Variants in RBFOX1 observed in about 807,000 individuals in gnomAD.
RBFOX1 encodes the protein RNA binding protein fox-1 homolog 1.
Under a neutral mutation model 57.7 loss-of-function variants are expected in RBFOX1, and 8 were observed. The observed-to-expected ratio is 0.14, with a 90% CI of 0.08 to 0.25. The LOEUF is 0.25. Ranked by LOEUF, RBFOX1 falls within the 10% of genes least tolerant of loss-of-function variation. The pLI is 1.00. For synonymous variants in RBFOX1, 326 were observed against 222.4 expected (o/e 1.47, Z -4.15); for missense variants, 611 against 548.5 (o/e 1.11, Z -1.14).
chr16:6,656,902 A>ATTCTCCTCTCCTCCC (rs1233741745), intron 3 of RBFOX1, among the ~76,000 whole-genome samples: 491 of 44,676 alleles, frequency 0.011, 14 homozygotes, highest in African/African-American at 0.045. Flanking sequence ...CCTCCCCTCA[A>ATTCTCCTCTCCTCCC]CTCTCCTCTC....
At chr16:7,097,168 T>C (rs2061845682) in intron 4 of RBFOX1, among the ~76,000 whole-genome samples, 1 of 152,074 alleles carries the variant, frequency 6.6e-6, no homozygotes, top group African/African-American at 2.4e-5. Flanking sequence ...GAGCAAGACT[T>C]TTCCAAGAAG....
At chr16:5,963,986 A>G (rs1052518110) in intron 4 of RBFOX1, among the ~76,000 whole-genome samples, 8 of 152,214 alleles carry the variant, frequency 5.3e-5, no homozygotes, top group African/African-American at 1.7e-4. Flanking sequence ...GGGAGAAAAT[A>G]TTTGCAAATC....
intron 3 of RBFOX1, among the ~76,000 whole-genome samples, chr16:6,898,745 T>C (rs2067619241): frequency 6.6e-6 from 1 of 152,118 alleles, no homozygotes; most frequent in Admixed American, 6.5e-5. Context: ...TGTGTATGTG[T>C]CCATATATAT....
intron 4 of RBFOX1, among the ~76,000 whole-genome samples, chr16:7,487,086 G>C (rs928291227): frequency 1.3e-5 from 2 of 152,064 alleles, no homozygotes; most frequent in African/African-American, 4.8e-5. Flanking sequence ...TTTTAGTAGA[G>C]ATGAGGTTTC....
At chr16:5,365,826 C>T (rs923922287) in intron 1 of RBFOX1, 20 of 517,374 alleles carry the variant, frequency 3.9e-5, no homozygotes, top group African/African-American at 3.3e-4. Flanking sequence ...GGACATGAGC[C>T]CCCTGAGGCC....
intron 5 of RBFOX1, among the ~76,000 whole-genome samples, chr16:7,558,288 C>T (rs570551380): frequency 1.1e-4 from 17 of 152,004 alleles, no homozygotes; most frequent in South Asian, 2.1e-4. Flanking sequence ...TGGGAGGTCG[C>T]GGCTGCAGTG....
chr16:6,699,319 G>C (rs529202884), intron 3 of RBFOX1, among the ~76,000 whole-genome samples: 7 of 140,390 alleles, frequency 5.0e-5, no homozygotes, highest in African/African-American at 1.6e-4. Flanking sequence ...TTTTTTTAAA[G>C]TGACTTTCAG....
At chr16:5,658,257 AC>A (rs1250677774) in intron 3 of RBFOX1, among the ~76,000 whole-genome samples, 1 of 152,090 alleles carries the variant, frequency 6.6e-6, no homozygotes, top group Non-Finnish European at 1.5e-5. Context: ...GGAAGCTGAG[AC>A]CCCAAGACTG....
chr16:6,932,591 C>T (rs1316345018), intron 3 of RBFOX1, among the ~76,000 whole-genome samples: 3 of 152,148 alleles, frequency 2.0e-5, no homozygotes, highest in African/African-American at 7.2e-5. Flanking sequence ...GGCCTCACTT[C>T]CTCATCCCAC....
intron 4 of RBFOX1, among the ~76,000 whole-genome samples, chr16:7,204,761 C>T (rs1023065950): frequency 1.3e-5 from 2 of 152,200 alleles, no homozygotes; most frequent in Admixed American, 1.3e-4. Context: ...CTCCCCCTCT[C>T]CCCAATCCTT....
At chr16:6,635,513 G>A (rs1220882507) in intron 2 of RBFOX1, among the ~76,000 whole-genome samples, 1 of 152,106 alleles carries the variant, frequency 6.6e-6, no homozygotes, top group African/African-American at 2.4e-5. Flanking sequence ...CAGAGGGAAA[G>A]TGATTCAGCA....
At chr16:5,704,586 A>G (rs541707701) in intron 3 of RBFOX1, among the ~76,000 whole-genome samples, 1 of 152,266 alleles carries the variant, frequency 6.6e-6, no homozygotes, top group South Asian at 2.1e-4. Context: ...TGGTTTATTT[A>G]CCCCTCTTCC....
At position 7,343,080 on chromosome 16, in the gene RBFOX1, T is replaced by C. The variant is rs114128305; in HGVS notation, c.28-175067T>C. 3.8e-3 allele frequency among the ~76,000 whole-genome samples: 582 copies of C among 152,240 alleles called. 5 individuals carry two copies. Among genetic ancestry groups the C allele is most frequent in the African/African-American group, 0.013 (530 of 41,536 alleles). The stretch of plus-strand genomic sequence containing the variant: ...CTGTCCCCTCCGTTCCATGTGGCCA[T>C]AGCCTTCTGGGGACAGACTCTTTAG... On this transcript the variant is annotated intron_variant, in intron 4 of 15. Transcript: ENST00000550418.
intron 2 of RBFOX1, among the ~76,000 whole-genome samples, chr16:6,355,034 A>C (rs2087041299): frequency 6.6e-6 from 1 of 152,216 alleles, no homozygotes; most frequent in Admixed American, 6.5e-5. Flanking sequence ...CTGACTTCCC[A>C]GTAGCAAAGA....
chr16:5,714,726 G>C (rs2051623508), intron 3 of RBFOX1, among the ~76,000 whole-genome samples: 1 of 152,210 alleles, frequency 6.6e-6, no homozygotes, highest in African/African-American at 2.4e-5. Flanking sequence ...TAATAGGAAG[G>C]ATTGTAATAC....
At chr16:7,188,408 A>T (rs935987193) in intron 4 of RBFOX1, among the ~76,000 whole-genome samples, 7 of 152,210 alleles carry the variant, frequency 4.6e-5, no homozygotes, top group African/African-American at 7.2e-5. Flanking sequence ...TAAAATTTGC[A>T]TTGCAGTTAG....
At chr16:7,664,649 G>C (rs955660999) in intron 12 of RBFOX1, 4 of 467,436 alleles carry the variant, frequency 8.6e-6, no homozygotes, top group Non-Finnish European at 1.1e-5. Flanking sequence ...TTTCAAAGTC[G>C]TGCCTTTCTG....
intron 3 of RBFOX1, 49 bp downstream of exon 3, chr16:6,654,699 T>G (rs1408398221): frequency 7.1e-7 from 1 of 1,414,016 alleles, no homozygotes. Flanking sequence ...ACAAGAACTC[T>G]GTGAATTGAA....
chr16:6,020,494 T>C (rs926981834), intron 1 of RBFOX1, among the ~76,000 whole-genome samples: 12 of 152,116 alleles, frequency 7.9e-5, no homozygotes, highest in Non-Finnish European at 1.3e-4. Flanking sequence ...GGCTCACTTA[T>C]GTGGAGAAAG....
Sources: allele counts gnomAD v4.1 joint callset (sites outside exome capture counted in the v4.1 genomes callset), GRCh38; gene constraint gnomAD v4.1.1; transcripts MANE v1.5; gene names NCBI Gene and HGNC (gene_info 2026-07-23, HGNC 2026-07-21).